The following NPR2 variants were observed in gnomAD, a reference collection of about 807,000 sequenced individuals.
The protein encoded by NPR2 is natriuretic peptide receptor 2.
Under a neutral mutation model 120.7 loss-of-function variants are expected in NPR2, and 49 were observed. That is an observed-to-expected ratio of 0.41 (90% confidence interval 0.32 to 0.52). NPR2 has a LOEUF of 0.52. Ranked by LOEUF, NPR2 falls within the 20% of genes least tolerant of loss-of-function variation. The probability of loss-of-function intolerance (pLI) is 0.36; values close to 1 mark genes in which losing one functional copy is unlikely to be tolerated. For synonymous variants in NPR2, 484 were observed against 519.8 expected, an observed-to-expected ratio of 0.93 and a Z score of 0.94; for missense variants, 931 against 1,362.9, an observed-to-expected ratio of 0.68 and a Z score of 4.99.
At chr9:35,799,939 A>G in intron 3 of NPR2, 83 bp from the exon 4 acceptor site, 1 of 1,589,716 alleles carries the variant, frequency 6.3e-7, no homozygotes, top group Non-Finnish European at 8.6e-7. Flanking sequence ...CAGAAGAGAG[A>G]ATAGGTAGAA....
rs1365183863 is a variant in NPR2 at position 35,808,822 on chromosome 9, C to T, written c.2955C>T (p.Asn985=). The T allele has an allele frequency of 6.2e-7, 1 of 1,611,226 alleles. No homozygotes were observed. Among genetic ancestry groups the T allele is most frequent in the African/African-American group, 1.3e-5 (1 of 74,866 alleles). ...PRYCLFGDTV[N]TASRMESNGQ... Reference sequence around the variant, plus strand: ...ATTGTCTTTTTGGAGACACAGTGAACACTGCTTCTCGAATGGAGTCTAATG... The same window carrying T: ...ATTGTCTTTTTGGAGACACAGTGAATACTGCTTCTCGAATGGAGTCTAATG... The change falls in exon 20 of 22, where the codon AAC becomes AAT. Residue 985 remains asparagine, a synonymous_variant. Transcript: ENST00000342694. This position sits in a 1 kb window ranked among gnomAD's most constrained non-coding sequence, Gnocchi z 4.0.
intron 3 of NPR2, 22 bp downstream of exon 3, chr9:35,799,753 T>C (rs1457000935): frequency 2.8e-5 from 45 of 1,582,564 alleles, no homozygotes; most frequent in Non-Finnish European, 3.8e-5. Context: ...TCTCCCTTCC[T>C]GAGAGTCAGG....
In NPR2 at chr9:35,809,553, A is replaced by G. The variant is rs778475167; in HGVS notation, c.*108A>G. 1 of 1,584,184 alleles carries G rather than the reference A, an allele frequency of 6.3e-7. No homozygotes were observed. Among genetic ancestry groups the G allele is most frequent in the Non-Finnish European group, 8.7e-7 (1 of 1,153,512 alleles). On this transcript the variant is annotated 3_prime_UTR_variant, in exon 22 of 22. Coordinates refer to ENST00000342694, the MANE Select transcript of NPR2 (RefSeq NM_003995.4). The surrounding 1 kb of genome is among the most constrained non-coding windows in gnomAD (Gnocchi z 4.1). Reference sequence around the variant, plus strand: ...ATGGACATTTTCATATGCAATGGAAAACAGCCACAAAAAAACCTACCTTAT... The same window carrying G: ...ATGGACATTTTCATATGCAATGGAAGACAGCCACAAAAAAACCTACCTTAT...
At position 35,808,404 on chromosome 9, in the gene NPR2, A is replaced by G; in HGVS notation, c.2713-105A>G. The G allele has an allele frequency of 7.0e-7, 1 of 1,422,088 alleles. No homozygotes were observed. Among genetic ancestry groups the G allele is most frequent in the Non-Finnish European group, 9.9e-7 (1 of 1,012,034 alleles). The allele number at this position is 1,422,088 out of a possible 1,614,324, so 88.1% of individuals were successfully genotyped here. Reference sequence around the variant, plus strand: ...TTTTCTAGTCAATATTCTGGTCTCCAGCATGTCAGGATGATTAATGATGGT... The same window carrying G: ...TTTTCTAGTCAATATTCTGGTCTCCGGCATGTCAGGATGATTAATGATGGT... On this transcript the variant is annotated intron_variant, in intron 18 of 21. Coordinates refer to ENST00000342694, the MANE Select transcript of NPR2 (RefSeq NM_003995.4). This position sits in a 1 kb window ranked among gnomAD's most constrained non-coding sequence, Gnocchi z 4.0.
Position 35,792,940 on chromosome 9 carries a change from C to T in NPR2, c.532C>T (p.Arg178Trp), listed in dbSNP as rs1827832369. Residue 178 changes from arginine to tryptophan, a missense_variant, in exon 1 of 22, where the codon CGG becomes TGG. Transcript: ENST00000342694. Reference protein sequence around the residue: ...LLYLDARTDDRPHYFTIEGVF... With the variant: ...LLYLDARTDDWPHYFTIEGVF... Reference sequence around the variant, plus strand: ...GTACCTGGATGCTCGCACAGATGACCGGCCTCACTACTTCACCATCGAGGG... The same window carrying T: ...GTACCTGGATGCTCGCACAGATGACTGGCCTCACTACTTCACCATCGAGGG... The T allele has an allele frequency of 6.2e-7, 1 of 1,614,026 alleles. No individual in the cohort carries two copies. Among genetic ancestry groups the T allele is most frequent in the Non-Finnish European group, 8.5e-7 (1 of 1,180,020 alleles).
rs1192543964 is a variant in NPR2, at chr9:35,802,193, C to A, written c.1633-13C>A. On this transcript the variant is annotated splice_polypyrimidine_tract_variant and intron_variant, in intron 9 of 21. Coordinates refer to ENST00000342694, the MANE Select transcript of NPR2 (RefSeq NM_003995.4). The surrounding 1 kb of genome is among the most constrained non-coding windows in gnomAD (Gnocchi z 4.2). ...ATATTCACTTTCCTTTCCCCTTTCA[C>A]TCCCACCATCAGGGAAATGTTGTCG... The A allele has an allele frequency of 6.4e-7, 1 of 1,565,310 alleles. No homozygotes were observed.
chr9:35,794,898 G>A (rs750267080), intron 2 of NPR2, among the ~76,000 whole-genome samples: 2 of 152,006 alleles, frequency 1.3e-5, no homozygotes, highest in Non-Finnish European at 2.9e-5. Context: ...GATTAGAAGA[G>A]GGGGAGACCT....
Position 35,792,941 on chromosome 9 carries a change from G to A in NPR2, c.533G>A (p.Arg178Gln), listed in dbSNP as rs770202059. 1 of 1,613,868 alleles carries A rather than the reference G, an allele frequency of 6.2e-7. No homozygotes were observed. Among genetic ancestry groups the A allele is most frequent in the Non-Finnish European group, 8.5e-7 (1 of 1,180,030 alleles). The part of the protein sequence containing the change: ...LLYLDARTDD[R>Q]PHYFTIEGVF... ...TACCTGGATGCTCGCACAGATGACC[G>A]GCCTCACTACTTCACCATCGAGGGC... The change falls in exon 1 of 22, where the codon CGG becomes CAG. Residue 178 changes from arginine to glutamine, a missense_variant. Arg to Gln is a conservative substitution (Grantham distance 43, BLOSUM62 1). Transcript: ENST00000342694.
At position 35,806,876 on chromosome 9, in the gene NPR2, T is replaced by C. The variant is rs1828414486; in HGVS notation, c.2520-147T>C. 1 of 888,178 alleles carries C rather than the reference T, an allele frequency of 1.1e-6. No homozygotes were observed. The highest frequency in any genetic ancestry group is 1.6e-5 in the South Asian group (1 of 62,324). 55.0% of individuals were successfully genotyped at this position (888,178 alleles called of 1,614,324 possible). On this transcript the variant is annotated intron_variant, in intron 16 of 21. Coordinates refer to ENST00000342694, the MANE Select transcript of NPR2 (RefSeq NM_003995.4). This position sits in a 1 kb window ranked among gnomAD's most constrained non-coding sequence, Gnocchi z 4.6. ...TGCCTTACCTTGCATTAGACTGTAA[T>C]GTCTTCCCAGCCACTTTCCTCCCTC... is the stretch of plus-strand genomic sequence containing the variant.
Position 35,792,027 on chromosome 9 carries a change from A to ACCCCCCCCCCCCCCC in NPR2, c.-380_-379insCCCCCCCCCCCCCCC. ...AGGTTCCCCCAGGCCGTTTCTTTGT[A>ACCCCCCCCCCCCCCC]CCACCCGCCCCCCACCCCCACCCCA... On this transcript the variant is annotated 5_prime_UTR_variant, in exon 1 of 22. Coordinates refer to ENST00000342694, the MANE Select transcript of NPR2 (RefSeq NM_003995.4). The ACCCCCCCCCCCCCCC allele has an allele frequency of 7.4e-6, 1 of 134,336 alleles. No individual in the cohort carries two copies. Among genetic ancestry groups the ACCCCCCCCCCCCCCC allele is most frequent in the Non-Finnish European group, 1.6e-5 (1 of 63,044 alleles). The allele number at this position is 134,336 out of a possible 1,614,324, so 8.3% of individuals were successfully genotyped here.
intron 12 of NPR2, among the ~76,000 whole-genome samples, chr9:35,804,646 T>C (rs1344999594): frequency 6.6e-6 from 1 of 152,232 alleles, no homozygotes; most frequent in South Asian, 2.1e-4. Context: ...ATTTTCCAGG[T>C]TTATGATGTT....
Position 35,801,143 on chromosome 9 carries a change from C to T in NPR2, c.1425C>T (p.Phe475=). ...ITFIMFGVSS[F]LIFRKLMLEK... ...TCATCATGTTTGGTGTTTCCAGCTT[C>T]CTAATTTTCCGGTGAGTTCTGGGTT... Residue 475 remains phenylalanine, a synonymous_variant, in exon 7 of 22, where the codon TTC becomes TTT. Coordinates refer to ENST00000342694, the MANE Select transcript of NPR2 (RefSeq NM_003995.4). 6.2e-7 allele frequency: 1 copy of T among 1,613,792 alleles called. No individual in the cohort carries two copies. Among genetic ancestry groups the T allele is most frequent in the Non-Finnish European group, 8.5e-7 (1 of 1,179,656 alleles).
rs1442600674 is a variant in NPR2 at position 35,802,820 on chromosome 9, C to G, written c.1887+17C>G. On this transcript the variant is annotated intron_variant, in intron 12 of 21. Coordinates refer to ENST00000342694, the MANE Select transcript of NPR2 (RefSeq NM_003995.4). The surrounding 1 kb of genome is among the most constrained non-coding windows in gnomAD (Gnocchi z 4.2). ...CTTGTTAAGGTGAGTCTTCCCCACTCCTTAAAAGTTCATCCACTTTAAATC... is the reference window on the plus strand; with the variant it reads ...CTTGTTAAGGTGAGTCTTCCCCACTGCTTAAAAGTTCATCCACTTTAAATC... 6.5e-7 allele frequency: 1 copy of G among 1,539,724 alleles called. No homozygotes were observed. Among genetic ancestry groups the G allele is most frequent in the Non-Finnish European group, 9.0e-7 (1 of 1,112,942 alleles).
In NPR2 at chr9:35,801,073, C is replaced by A; in HGVS notation, c.1355C>A (p.Pro452Gln). 2 of 1,613,472 alleles carry A rather than the reference C, an allele frequency of 1.2e-6. No individual in the cohort carries two copies. The highest frequency in any genetic ancestry group is 1.7e-6 in the Non-Finnish European group (2 of 1,179,346). ...AGGGTCTCTATTTCCCCTTCAGCTCCACTTTCAACCCTGGCAATTGTGGCT... is the reference window on the plus strand; with the variant it reads ...AGGGTCTCTATTTCCCCTTCAGCTCAACTTTCAACCCTGGCAATTGTGGCT... ...DLDDPSCDKT[P>Q]LSTLAIVALG... is the part of the protein sequence containing the mutation. Residue 452 changes from proline to glutamine, a missense_variant, in exon 7 of 22, where the codon CCA (proline) becomes CAA (glutamine). Physicochemically the swap from Pro to Gln is moderately conservative, Grantham distance 76. Coordinates refer to ENST00000342694, the MANE Select transcript of NPR2 (RefSeq NM_003995.4).
chr9:35,795,915 C>T (rs1476305830), intron 2 of NPR2, among the ~76,000 whole-genome samples: 1 of 152,202 alleles, frequency 6.6e-6, no homozygotes, highest in African/African-American at 2.4e-5. Context: ...CCTATCATGT[C>T]CAGTCACTGT....
In NPR2 at chr9:35,802,919, T is replaced by A; in HGVS notation, c.1887+116T>A. The A allele has an allele frequency of 1.3e-6, 1 of 773,142 alleles. No homozygotes were observed. The highest frequency in any genetic ancestry group is 2.5e-5 in the East Asian group (1 of 39,678). 47.9% of individuals were successfully genotyped at this position (773,142 alleles called of 1,614,324 possible). ...GTCCTGTTCTCTCATCTCCCCTTAT[T>A]CCCATGGTCTGGTAATAATGGGTAA... On this transcript the variant is annotated intron_variant, in intron 12 of 21. Coordinates refer to ENST00000342694, the MANE Select transcript of NPR2 (RefSeq NM_003995.4). The surrounding 1 kb of genome is among the most constrained non-coding windows in gnomAD (Gnocchi z 4.2).
At position 35,800,799 on chromosome 9, in the gene NPR2, C is replaced by A; in HGVS notation, c.1309C>A (p.Pro437Thr). ...GAAGGGGGCTCCTCCCTCGGACAATCCCCCCTGTGCCTTTGACTTGGACGA... is the reference window on the plus strand; with the variant it reads ...GAAGGGGGCTCCTCCCTCGGACAATACCCCCTGTGCCTTTGACTTGGACGA... ...WVKGAPPSDN[P>T]PCAFDLDDPS... The change falls in exon 6 of 22, where the codon CCC becomes ACC. Residue 437 changes from proline to threonine, a missense_variant. Physicochemically the swap from Pro to Thr is conservative, Grantham distance 38. Transcript: ENST00000342694. The surrounding 1 kb of genome is among the most constrained non-coding windows in gnomAD (Gnocchi z 4.7). 6.2e-7 allele frequency: 1 copy of A among 1,614,096 alleles called. No individual in the cohort carries two copies. Among genetic ancestry groups the A allele is most frequent in the Non-Finnish European group, 8.5e-7 (1 of 1,179,978 alleles).
intron 12 of NPR2, among the ~76,000 whole-genome samples, chr9:35,804,505 T>A (rs1429763376): frequency 6.6e-6 from 1 of 152,206 alleles, no homozygotes; most frequent in Non-Finnish European, 1.5e-5. Context: ...AGTGCTGGGA[T>A]TACAGGCATG....
chr9:35,809,147 C>G lies in NPR2; in HGVS notation c.2987-9C>G. 2.5e-6 allele frequency: 4 copies of G among 1,612,094 alleles called. No homozygotes were observed. Among genetic ancestry groups the G allele is most frequent in the Non-Finnish European group, 3.4e-6 (4 of 1,178,304 alleles). On this transcript the variant is annotated splice_polypyrimidine_tract_variant and intron_variant, in intron 20 of 21. Coordinates refer to ENST00000342694, the MANE Select transcript of NPR2 (RefSeq NM_003995.4). This position sits in a 1 kb window ranked among gnomAD's most constrained non-coding sequence, Gnocchi z 4.1. ...CATTCCACCATCCTCCCCATTCCAC[C>G]CACCCCAGCGCTGAAGATCCATGTC...
Sources: allele counts gnomAD v4.1 joint callset (sites outside exome capture counted in the v4.1 genomes callset), GRCh38; gene constraint gnomAD v4.1.1; non-coding constraint Gnocchi (gnomAD v3.1); transcripts MANE v1.5; gene names NCBI Gene and HGNC (gene_info 2026-07-23, HGNC 2026-07-21).